KANK1: variants seen among roughly 807,000 people sequenced by gnomAD.
KANK1 encodes KN motif and ankyrin repeat domain-containing protein 1.
A neutral mutation model predicts 106.2 loss-of-function variants in KANK1; 109 were observed. The ratio of observed to expected loss-of-function variants is 1.03; its 90% CI spans 0.88 to 1.20. The LOEUF (loss-of-function observed/expected upper bound fraction) is 1.20. Ranked by LOEUF, KANK1 falls within the 50% of genes most tolerant of loss-of-function variation. KANK1 has a pLI of 0.00. For synonymous variants in KANK1, 873 were observed against 652.2 expected (o/e 1.34, Z -5.16); for missense variants, 2,399 against 1,710.7 (o/e 1.40, Z -7.10).
At chr9:491,676 C>T (rs756803364) in intron 3 of KANK1, among the ~76,000 whole-genome samples, 2 of 152,120 alleles carry the variant, frequency 1.3e-5, no homozygotes, top group African/African-American at 4.8e-5. Context: ...AAAAGGGAAA[C>T]GTCAAACACA....
At chr9:538,191 G>A (rs1181068799) in intron 1 of KANK1, among the ~76,000 whole-genome samples, 1 of 150,470 alleles carries the variant, frequency 6.6e-6, no homozygotes, top group Non-Finnish European at 1.5e-5. Context: ...AAAAAAAAAA[G>A]TTAATAATAG....
chr9:624,684 A>C (rs1187477465), intron 1 of KANK1, among the ~76,000 whole-genome samples: 6 of 152,136 alleles, frequency 3.9e-5, no homozygotes, highest in African/African-American at 1.4e-4. Context: ...CTGTAGTCCC[A>C]GCTACTCGGG....
chr9:641,703 C>G (rs753616673), intron 1 of KANK1, among the ~76,000 whole-genome samples: 3 of 152,168 alleles, frequency 2.0e-5, no homozygotes, highest in African/African-American at 7.2e-5. Flanking sequence ...TTACATCTTA[C>G]TCTCTTGCCA....
intron 3 of KANK1, among the ~76,000 whole-genome samples, chr9:727,718 ATG>A (rs904174906): frequency 5.0e-5 from 6 of 119,016 alleles, no homozygotes; most frequent in African/African-American, 1.9e-4. Flanking sequence ...GTGTGTGTGT[ATG>A]TGTGTGTGTG....
chr9:691,432 AT>A (rs973932417), intron 2 of KANK1, among the ~76,000 whole-genome samples: 4 of 149,020 alleles, frequency 2.7e-5, no homozygotes, highest in East Asian at 1.9e-4. Context: ...ATTTATTATT[AT>A]TTTTTTTAAT....
At chr9:603,078 G>A (rs1319181688) in intron 1 of KANK1, among the ~76,000 whole-genome samples, 2 of 151,834 alleles carry the variant, frequency 1.3e-5, no homozygotes, top group Non-Finnish European at 2.9e-5. Flanking sequence ...TGGGGAAAGA[G>A]TCTCTTATTC....
intron 1 of KANK1, among the ~76,000 whole-genome samples, chr9:534,322 CT>C (rs2060198970): frequency 6.6e-6 from 1 of 152,086 alleles, no homozygotes; most frequent in Admixed American, 6.5e-5. Flanking sequence ...TATTATTGTG[CT>C]CGGTTGGCTA....
At chr9:543,985 T>TA (rs1335347113) in intron 1 of KANK1, among the ~76,000 whole-genome samples, 1 of 152,136 alleles carries the variant, frequency 6.6e-6, no homozygotes, top group Non-Finnish European at 1.5e-5. Flanking sequence ...GCTTAGTAAA[T>TA]ATAACATTTC....
rs548920836 is a variant in KANK1, at chr9:566,211, G to A, written c.-84+61457G>A. 7.9e-5 allele frequency among the ~76,000 whole-genome samples: 12 copies of A among 152,302 alleles called. No homozygotes were observed. The East Asian group carries it at 1.9e-3, about 24-fold the overall frequency. On this transcript the variant is annotated intron_variant, in intron 1 of 11. Coordinates refer to ENST00000382297, the MANE Select transcript of KANK1 (RefSeq NM_015158.5). ...TCTTATTCTTTTTTATGGCTGCATAGTATTTCATGGTGTATATGTTCCACA... is the reference window on the plus strand; with the variant it reads ...TCTTATTCTTTTTTATGGCTGCATAATATTTCATGGTGTATATGTTCCACA...
At chr9:612,096 T>C (rs187057208) in intron 1 of KANK1, among the ~76,000 whole-genome samples, 15 of 152,320 alleles carry the variant, frequency 9.8e-5, no homozygotes, top group Non-Finnish European at 1.9e-4. Flanking sequence ...ATTTGCATAA[T>C]GAACACACAT....
chr9:550,877 T>G (rs2061240243), intron 1 of KANK1, among the ~76,000 whole-genome samples: 1 of 152,126 alleles, frequency 6.6e-6, no homozygotes, highest in Admixed American at 6.5e-5. Context: ...TTTCCCAGAC[T>G]CCAGAATAAT....
intron 2 of KANK1, among the ~76,000 whole-genome samples, chr9:703,924 G>A (rs1169136186): frequency 1.3e-5 from 2 of 152,134 alleles, no homozygotes; most frequent in Non-Finnish European, 1.5e-5. Context: ...ATGTTGGACA[G>A]ACTGGTCTTG....
In KANK1 at chr9:745,253, T is replaced by G. The variant is rs745501043; in HGVS notation, c.*18T>G. The G allele has an allele frequency of 1.2e-6, 2 of 1,613,604 alleles. No homozygotes were observed. Among genetic ancestry groups the G allele is most frequent in the Admixed American group, 3.3e-5 (2 of 59,988 alleles). On this transcript the variant is annotated 3_prime_UTR_variant, in exon 12 of 12. Transcript: ENST00000382297. ...TTGATTGATTGTATGCAAATAGCCCTTTATTTACATGCCACTATTAAGCTG... is the reference window on the plus strand; with the variant it reads ...TTGATTGATTGTATGCAAATAGCCCGTTATTTACATGCCACTATTAAGCTG...
At chr9:614,589 G>A (rs1831352776) in intron 1 of KANK1, among the ~76,000 whole-genome samples, 1 of 152,204 alleles carries the variant, frequency 6.6e-6, no homozygotes, top group South Asian at 2.1e-4. Flanking sequence ...CTCGTGTGCG[G>A]CAGGGTATTC....
rs1826809026 is a variant in KANK1, at chr9:713,543, ACTGCTGGAACCAT to A, written c.2698+80_2698+92del. 9.7e-5 allele frequency: 139 copies of A among 1,436,936 alleles called. 1 individual carries two copies. In the South Asian group the frequency reaches 1.9e-3, roughly 19 times the overall value. The allele number at this position is 1,436,936 out of a possible 1,614,324, so 89.0% of individuals were successfully genotyped here. On this transcript the variant is annotated intron_variant, in intron 3 of 11. Transcript: ENST00000382297. ...TCCAGAAGCTAAGGATTATTTTTTAACTGCTGGAACCATTTTTGGAGGAGAAATGGAGAAAGTT... is the reference window on the plus strand; with the variant it reads ...TCCAGAAGCTAAGGATTATTTTTTAATTTTGGAGGAGAAATGGAGAAAGTT...
At position 726,512 on chromosome 9, in the gene KANK1, G is replaced by C. The variant is rs187040342; in HGVS notation, c.2699-3539G>C. On this transcript the variant is annotated intron_variant, in intron 3 of 11. Coordinates refer to ENST00000382297, the MANE Select transcript of KANK1 (RefSeq NM_015158.5). Reference sequence around the variant, plus strand: ...AAATTAGCTAGGCATGGTGGCACTTGCCTGTAGCCCCAGCTACTCGGGAGG... The same window carrying C: ...AAATTAGCTAGGCATGGTGGCACTTCCCTGTAGCCCCAGCTACTCGGGAGG... Among the ~76,000 whole-genome samples the C allele has an allele frequency of 5.3e-5, 8 of 152,122 alleles. No individual in the cohort carries two copies. The South Asian group carries it at 8.3e-4, about 16-fold the overall frequency.
At chr9:710,695 T>G in intron 2 of KANK1, 109 bp from the exon 3 acceptor site, 2 of 961,038 alleles carry the variant, frequency 2.1e-6, no homozygotes, top group South Asian at 4.2e-5. Context: ...CATAGGTGTG[T>G]CAACTCTTAA....
In KANK1 at chr9:595,016, C is replaced by T. The variant is rs1004426978; in HGVS notation, c.-83-81874C>T. Among the ~76,000 whole-genome samples, 10 of 151,294 alleles carry T rather than the reference C, an allele frequency of 6.6e-5. 1 individual carries two copies. The highest frequency in any genetic ancestry group is 1.5e-4 in the African/African-American group (6 of 40,982). On this transcript the variant is annotated intron_variant, in intron 1 of 11. Coordinates refer to ENST00000382297, the MANE Select transcript of KANK1 (RefSeq NM_015158.5). ...AGAATTTTTATTCAGAACGCAGATT[C>T]GAAAAGAAAAAAAAGAATTTTTAGA... is the stretch of plus-strand genomic sequence containing the variant.
intron 1 of KANK1, among the ~76,000 whole-genome samples, chr9:610,872 G>A (rs1830394927): frequency 6.6e-6 from 1 of 152,146 alleles, no homozygotes; most frequent in African/African-American, 2.4e-5. Context: ...CTGGGCAAAG[G>A]GAAAGAGGCC....
Sources: gnomAD v4.1 joint callset for allele counts (sites outside exome capture counted in the v4.1 genomes callset) on GRCh38, gnomAD v4.1.1 for gene constraint, MANE v1.5 for transcripts, NCBI Gene and HGNC (gene_info 2026-07-23, HGNC 2026-07-21) for gene names.